Variants in DHPS observed in about 807,000 individuals in gnomAD.
DHPS encodes the protein migration-inducing gene 13.
A neutral mutation model predicts 38.7 loss-of-function variants in DHPS; 24 were observed. The ratio of observed to expected loss-of-function variants is 0.62; its 90% CI spans 0.45 to 0.87. The LOEUF is 0.87. DHPS is among the 40% of genes least tolerant of loss of function. DHPS has a pLI of 0.00. For synonymous variants in DHPS, 250 were observed against 204.4 expected (o/e 1.22, Z -1.90); for missense variants, 510 against 497.6 (o/e 1.02, Z -0.24).
At chr19:12,678,242 G>C (rs1405822449) in intron 5 of DHPS, among the ~76,000 whole-genome samples, 1 of 149,244 alleles carries the variant, frequency 6.7e-6, no homozygotes, top group Non-Finnish European at 1.5e-5. Flanking sequence ...TGGGTAACAA[G>C]AGCAAAACTC....
At chr19:12,674,063 G>A (rs528055729), downstream of DHPS, among the ~76,000 whole-genome samples, 9 of 152,332 alleles carry the variant, frequency 5.9e-5, 1 homozygote, top group Admixed American at 2.0e-4. Context: ...TATGTTAAGA[G>A]GTGTAGCCTG....
In DHPS at chr19:12,675,767, G is replaced by C. The variant is rs1380518836; in HGVS notation, c.*71C>G. 1 of 1,566,988 alleles carries C rather than the reference G, an allele frequency of 6.4e-7. No homozygotes were observed. Among genetic ancestry groups the C allele is most frequent in the South Asian group, 1.2e-5 (1 of 86,614 alleles). On this transcript the variant is annotated 3_prime_UTR_variant, in exon 9 of 9. Transcript: ENST00000210060. Reference sequence around the variant, plus strand: ...TTCTAGAGACGTAGCTGACCAAAAAGTAGGGGAGGGGCTGGGTCTGCAAAT... The same window carrying C: ...TTCTAGAGACGTAGCTGACCAAAAACTAGGGGAGGGGCTGGGTCTGCAAAT...
chr19:12,679,351 G>C, intron 5 of DHPS, 106 bp downstream of exon 5: 6 of 1,085,324 alleles, frequency 5.5e-6, no homozygotes, highest in Non-Finnish European at 1.4e-6. Context: ...TCATCTAAGA[G>C]TGAGGATGCT....
chr19:12,679,336 TCTC>T (rs1568319010), intron 5 of DHPS, 118 bp downstream of exon 5: 1 of 952,384 alleles, frequency 1.0e-6, no homozygotes, highest in African/African-American at 1.6e-5. Flanking sequence ...TGTGTTTGAG[TCTC>T]CTCATCTAAG....
At chr19:12,673,374 C>G (rs888304991), downstream of DHPS, 135 of 1,184,262 alleles carry the variant, frequency 1.1e-4, no homozygotes, top group Non-Finnish European at 1.6e-4. Flanking sequence ...CAGCCCTGTC[C>G]TTACCTCAGT....
Position 12,677,393 on chromosome 19 carries a change from G to A in DHPS, c.682C>T (p.His228Tyr). 6.2e-7 allele frequency: 1 copy of A among 1,613,368 alleles called. No individual in the cohort carries two copies. The highest frequency in any genetic ancestry group is 8.5e-7 in the Non-Finnish European group (1 of 1,179,592). Residue 228 changes from histidine to tyrosine, a missense_variant, in exon 6 of 9, where the codon CAC becomes TAC. Coordinates refer to ENST00000210060, the MANE Select transcript of DHPS (RefSeq NM_001930.4). ...ESVYYWAQKNHIPVFSPALTD... is the reference protein window; with the variant it reads ...ESVYYWAQKNYIPVFSPALTD... ...AGTGCGGGACTAAACACAGGGATGT[G>A]GTTCTGCAGAGAACATGACAGGACA...
At chr19:12,673,410 C>CTTTTT (rs58676851), downstream of DHPS, 9 of 248,010 alleles carry the variant, frequency 3.6e-5, no homozygotes, top group East Asian at 1.1e-4. Context: ...AGGCTAGGAT[C>CTTTTT]TTTTTTTTTT....
rs1031499964 is a variant in DHPS at position 12,676,072 on chromosome 19, C to T, written c.959G>A (p.Arg320Gln). The change falls in exon 8 of 9, where the codon CGA (arginine) becomes CAA (glutamine). Residue 320 changes from arginine to glutamine, a missense_variant. Transcript: ENST00000210060. ...QEFDGSDSGA[R>Q]PDEAVSWGKI... The stretch of plus-strand genomic sequence containing the variant: ...GCCCCAGGAGACAGCCTCGTCTGGT[C>T]GGGCACCTGAGTCAGAGCCATCAAA... The T allele has an allele frequency of 1.1e-5, 18 of 1,613,930 alleles. No homozygotes were observed. Among genetic ancestry groups the T allele is most frequent in the Middle Eastern group, 1.6e-4 (1 of 6,080 alleles).
chr19:12,681,816 G>A lies in DHPS; in HGVS notation c.-50C>T, dbSNP rs370113184. On this transcript the variant is annotated 5_prime_UTR_variant, in exon 1 of 9. Transcript: ENST00000210060. ...AAAGCTGCCCCTAGGCCGGGCTTAC[G>A]GCGGCCCAGAAACGCGTTAAACCCC... The A allele has an allele frequency of 2.6e-6, 4 of 1,552,830 alleles. No individual in the cohort carries two copies. Among genetic ancestry groups the A allele is most frequent in the East Asian group, 2.3e-5 (1 of 44,088 alleles).
Position 12,675,808 on chromosome 19 carries a change from G to T in DHPS, c.*30C>A. 3 of 1,569,388 alleles carry T rather than the reference G, an allele frequency of 1.9e-6. No homozygotes were observed. The highest frequency in any genetic ancestry group is 1.2e-5 in the South Asian group (1 of 85,748). ...GTCTGCAAATTAATAAATAGAAGAG[G>T]GGGTAAGACCTTCCTGGGACCGCAG... On this transcript the variant is annotated 3_prime_UTR_variant, in exon 9 of 9. Transcript: ENST00000210060.
At chr19:12,677,656 A>C (rs1440431929) in intron 5 of DHPS, among the ~76,000 whole-genome samples, 1 of 151,942 alleles carries the variant, frequency 6.6e-6, no homozygotes, top group Non-Finnish European at 1.5e-5. Context: ...TTATTCCCTG[A>C]GACGGAGTTT....
At chr19:12,675,996 C>T (rs2024571356) in intron 8 of DHPS, 21 bp downstream of exon 8, 2 of 1,610,854 alleles carry the variant, frequency 1.2e-6, no homozygotes, top group African/African-American at 1.3e-5. Flanking sequence ...AGACCCTATG[C>T]CCCACCCAGC....
intron 8 of DHPS, 39 bp from the exon 9 acceptor site, chr19:12,675,972 ACT>A (rs772222195): frequency 6.2e-7 from 1 of 1,606,332 alleles, no homozygotes; most frequent in Non-Finnish European, 8.5e-7. Context: ...TGGGACCCAC[ACT>A]CATCGTCCCA....
At chr19:12,674,074 C>T (rs1042016175), downstream of DHPS, among the ~76,000 whole-genome samples, 6 of 152,174 alleles carry the variant, frequency 3.9e-5, no homozygotes, top group Admixed American at 2.0e-4. Context: ...GTGTAGCCTG[C>T]GCATGCATCA....
chr19:12,678,768 C>CAA lies in DHPS; in HGVS notation c.678+687_678+688dup, dbSNP rs1183531365. On this transcript the variant is annotated intron_variant, in intron 5 of 8. Transcript: ENST00000210060. ...TGGGCGACAGAGCAAGACTCTGTCT[C>CAA]AAAAAAAAAAAAAAAAAAAAAAAGA... is the stretch of plus-strand genomic sequence containing the variant. 3.1e-3 allele frequency among the ~76,000 whole-genome samples: 143 copies of CAA among 45,914 alleles called. 2 individuals carry two copies. The highest frequency in any genetic ancestry group is 6.1e-3 in the African/African-American group (65 of 10,702). The allele number at this position is 45,914 out of a possible 152,430, so 30.1% of individuals were successfully genotyped here.
intron 7 of DHPS, 26 bp downstream of exon 7, chr19:12,677,082 T>G (rs748397406): frequency 8.7e-6 from 14 of 1,606,504 alleles, no homozygotes; most frequent in Admixed American, 5.0e-5. Context: ...GTCTGCAGAG[T>G]GGGCCGAAGC....
At chr19:12,676,969 T>C in intron 7 of DHPS, 139 bp downstream of exon 7, 1 of 732,882 alleles carries the variant, frequency 1.4e-6, no homozygotes, top group Admixed American at 2.3e-5. Context: ...GTCACTTGTT[T>C]GCTATCTCCC....
downstream of DHPS, chr19:12,675,510 C>A (rs748646640): frequency 5.0e-6 from 8 of 1,601,806 alleles, no homozygotes; most frequent in Non-Finnish European, 6.8e-6. Flanking sequence ...ACTCCCTACC[C>A]CTCGCTCCAC....
Position 12,680,171 on chromosome 19 carries a change from T to G in DHPS, c.362A>C (p.Gln121Pro). The change falls in exon 2 of 9, where the codon CAG becomes CCG. Residue 121 changes from glutamine to proline, a missense_variant. Transcript: ENST00000210060. ...GIRETIRYLV[Q>P]HNMVDVLVTT... ...TCACCAGGTCCCCACCATGTTGTGC[T>G]GCACAAGGTAGCGAATGGTCTCACG... 6.2e-7 allele frequency: 1 copy of G among 1,614,188 alleles called. No individual in the cohort carries two copies. The highest frequency in any genetic ancestry group is 8.5e-7 in the Non-Finnish European group (1 of 1,180,016).
Sources: allele counts gnomAD v4.1 joint callset (sites outside exome capture counted in the v4.1 genomes callset), GRCh38; gene constraint gnomAD v4.1.1; transcripts MANE v1.5; gene names NCBI Gene and HGNC (gene_info 2026-07-23, HGNC 2026-07-21).